Variants in MAP3K19 observed in about 807,000 individuals in gnomAD.
MAP3K19 encodes the protein SPS1/STE20-related protein kinase YSK4.
Under a neutral mutation model 114.4 loss-of-function variants are expected in MAP3K19, and 91 were observed. The ratio of observed to expected loss-of-function variants is 0.80; its 90% CI spans 0.67 to 0.95. MAP3K19 has a LOEUF of 0.95. Ranked by LOEUF, MAP3K19 falls within the 40% of genes least tolerant of loss-of-function variation. MAP3K19 has a pLI of 0.00. For missense variants in MAP3K19, 1,471 were observed against 1,573.2 expected (o/e 0.94, Z 1.10); for synonymous variants, 518 against 530.5 (o/e 0.98, Z 0.32).
chr2:135,043,811 G>T (rs2104802492), intron 1 of MAP3K19, among the ~76,000 whole-genome samples: 1 of 152,232 alleles, frequency 6.6e-6, no homozygotes. Flanking sequence ...TTATTTCTCT[G>T]GGAGGCTCCC....
At chr2:135,037,116 C>A (rs115568509) in intron 2 of MAP3K19, among the ~76,000 whole-genome samples, 4,088 of 152,158 alleles carry the variant, frequency 0.027, 162 homozygotes, top group African/African-American at 0.092. Context: ...CCGGCCTCAG[C>A]CTCTGTAGTA....
At chr2:134,984,662 A>T (rs929130665) in intron 10 of MAP3K19, among the ~76,000 whole-genome samples, 4 of 152,176 alleles carry the variant, frequency 2.6e-5, no homozygotes, top group African/African-American at 9.7e-5. Flanking sequence ...ATTTAAAATA[A>T]TTATTCCTGG....
At chr2:134,991,072 C>T (rs2105255555) in intron 9 of MAP3K19, among the ~76,000 whole-genome samples, 1 of 151,884 alleles carries the variant, frequency 6.6e-6, no homozygotes, top group Non-Finnish European at 1.5e-5. Context: ...GAGGCCGAGG[C>T]GGGCGGATCA....
At chr2:135,025,856 C>G (rs1026684040) in intron 3 of MAP3K19, among the ~76,000 whole-genome samples, 1 of 152,112 alleles carries the variant, frequency 6.6e-6, no homozygotes, top group African/African-American at 2.4e-5. Context: ...GATATCAGCT[C>G]AGAGAAATCC....
chr2:135,043,404 C>T (rs1319152271), intron 1 of MAP3K19, among the ~76,000 whole-genome samples: 1 of 152,058 alleles, frequency 6.6e-6, no homozygotes, highest in Non-Finnish European at 1.5e-5. Context: ...CTGGGATGAG[C>T]CTGGCGACTC....
intron 3 of MAP3K19, among the ~76,000 whole-genome samples, chr2:135,028,376 C>T (rs1688303593): frequency 6.6e-6 from 1 of 151,774 alleles, no homozygotes; most frequent in Non-Finnish European, 1.5e-5. Context: ...GGCAACATGG[C>T]AAAACCCCAT....
chr2:135,018,289 A>T, intron 5 of MAP3K19, among the ~76,000 whole-genome samples: 1 of 150,534 alleles, frequency 6.6e-6, no homozygotes, highest in African/African-American at 2.5e-5. Flanking sequence ...AGCAAAAAAA[A>T]AAAAAAAAAA....
At chr2:135,006,787 G>T (rs1212525692) in intron 5 of MAP3K19, among the ~76,000 whole-genome samples, 2 of 151,816 alleles carry the variant, frequency 1.3e-5, no homozygotes, top group South Asian at 4.2e-4. Context: ...TCCAGCCTGG[G>T]TGACAGAGTG....
Position 134,987,502 on chromosome 2 carries a change from T to G in MAP3K19, c.1370A>C (p.Glu457Ala). The G allele has an allele frequency of 1.2e-6, 2 of 1,614,202 alleles. No homozygotes were observed. Among genetic ancestry groups the G allele is most frequent in the Non-Finnish European group, 1.7e-6 (2 of 1,180,040 alleles). Residue 457 changes from glutamate (E) to alanine (A), a missense_variant, in exon 10 of 13, where the codon GAA (glutamate) becomes GCA (alanine). Glu to Ala is a moderately radical substitution (Grantham distance 107). Transcript: ENST00000392915. ...VFDDPIDKLP[E>A]GCSSMETNIK... ...GTTTGTCTCCATGCTGCTACAACCT[T>G]CTGGGAGTTTATCAATGGGGTCATC...
Position 134,986,548 on chromosome 2 carries a change from T to C in MAP3K19, c.2324A>G (p.Glu775Gly). Reference protein sequence around the residue: ...PDWQIKSSGNEFLSSKDEIHP... With the variant: ...PDWQIKSSGNGFLSSKDEIHP... ...AATTTCATCTTTGGAAGATAGAAAC[T>C]CATTTCCTGAAGACTTTATCTGCCA... Residue 775 changes from glutamate to glycine, a missense_variant, in exon 10 of 13, where the codon GAG (glutamate) becomes GGG (glycine). Physicochemically the swap from Glu to Gly is moderately conservative, Grantham distance 98 (BLOSUM62 -2). Transcript: ENST00000392915. 2.5e-6 allele frequency: 4 copies of C among 1,614,136 alleles called. No individual in the cohort carries two copies. The highest frequency in any genetic ancestry group is 3.4e-6 in the Non-Finnish European group (4 of 1,180,016).
At chr2:135,025,360 A>G (rs902516703) in intron 3 of MAP3K19, among the ~76,000 whole-genome samples, 1 of 146,968 alleles carries the variant, frequency 6.8e-6, no homozygotes. Flanking sequence ...GTGCCTCTCC[A>G]CATGGCCTTT....
At chr2:135,035,606 T>C (rs1688508894) in intron 2 of MAP3K19, among the ~76,000 whole-genome samples, 1 of 152,160 alleles carries the variant, frequency 6.6e-6, no homozygotes, top group Non-Finnish European at 1.5e-5. Context: ...ATTGTGAGGA[T>C]TGCACATTAA....
chr2:135,038,921 C>T (rs534830991), intron 2 of MAP3K19, among the ~76,000 whole-genome samples: 131 of 151,660 alleles, frequency 8.6e-4, no homozygotes, highest in African/African-American at 3.1e-3. Context: ...TATTCAATAC[C>T]AGGAAAAAGC....
chr2:134,988,234 G>A lies in MAP3K19; in HGVS notation c.638C>T (p.Ser213Leu), dbSNP rs1559155225. Reference protein sequence around the residue: ...RSIKFLLPPLSLLPTRSGVLT... With the variant: ...RSIKFLLPPLLLLPTRSGVLT... Reference sequence around the variant, plus strand: ...GACACCAGATCGCGTGGGCAAGAGTGACAGTGGTGGCAGAAGGAACTAAAA... The same window carrying A: ...GACACCAGATCGCGTGGGCAAGAGTAACAGTGGTGGCAGAAGGAACTAAAA... Residue 213 changes from serine to leucine, a missense_variant, in exon 10 of 13, where the codon TCA becomes TTA. Transcript: ENST00000392915. 5 of 1,573,068 alleles carry A rather than the reference G, an allele frequency of 3.2e-6. No homozygotes were observed. The highest frequency in any genetic ancestry group is 1.4e-5 in the African/African-American group (1 of 73,148).
At position 135,007,804 on chromosome 2, in the gene MAP3K19, C is replaced by T. The variant is rs556818780; in HGVS notation, c.139-2273G>A. Among the ~76,000 whole-genome samples, 8 of 152,226 alleles carry T rather than the reference C, an allele frequency of 5.3e-5. No individual in the cohort carries two copies. The East Asian group carries it at 1.3e-3, about 26-fold the overall frequency. On this transcript the variant is annotated intron_variant, in intron 5 of 12. Transcript: ENST00000392915. ...AAATTCTACCATTATCTGGCAAATT[C>T]CTCCTCCTTCCTATCAAATCACAAA...
intron 8 of MAP3K19, among the ~76,000 whole-genome samples, chr2:134,996,097 A>C (rs1413107970): frequency 6.6e-6 from 1 of 152,026 alleles, no homozygotes; most frequent in Admixed American, 6.5e-5. Context: ...GCACCACCAC[A>C]GCCACCTAAT....
At chr2:135,023,898 G>C (rs938021549) in intron 4 of MAP3K19, among the ~76,000 whole-genome samples, 1 of 148,040 alleles carries the variant, frequency 6.8e-6, no homozygotes, top group Non-Finnish European at 1.5e-5. Flanking sequence ...CTGTTTTATT[G>C]AAAAAAAAAA....
intron 12 of MAP3K19, among the ~76,000 whole-genome samples, chr2:134,968,190 C>G (rs942223754): frequency 6.6e-6 from 1 of 152,142 alleles, no homozygotes; most frequent in Admixed American, 6.5e-5. Flanking sequence ...GGTCACAGAT[C>G]AACAGCATCC....
intron 12 of MAP3K19, among the ~76,000 whole-genome samples, chr2:134,973,744 T>A (rs1443874499): frequency 2.6e-5 from 4 of 152,332 alleles, no homozygotes; most frequent in East Asian, 3.9e-4. Flanking sequence ...GAGTCCTTTC[T>A]CTACCTCTTT....
Sources: allele counts gnomAD v4.1 joint callset (sites outside exome capture counted in the v4.1 genomes callset), GRCh38; gene constraint gnomAD v4.1.1; transcripts MANE v1.5; gene names NCBI Gene and HGNC (gene_info 2026-07-23, HGNC 2026-07-21).